Variants in KIF13B observed in about 807,000 individuals in gnomAD.
The protein encoded by KIF13B is kinesin family member 13B.
Under a neutral mutation model 222.0 loss-of-function variants are expected in KIF13B, and 127 were observed. That is an observed-to-expected ratio of 0.57 (90% CI 0.50 to 0.66). KIF13B has a LOEUF of 0.66. Ranked by LOEUF, KIF13B falls within the 30% of genes least tolerant of loss-of-function variation. The probability of loss-of-function intolerance (pLI) is 0.00; values close to 1 mark genes in which losing one functional copy is unlikely to be tolerated. For synonymous variants in KIF13B, 976 were observed against 919.0 expected (o/e 1.06, Z -1.12); for missense variants, 2,173 against 2,379.0 (o/e 0.91, Z 1.80).
At chr8:29,149,741 G>A (rs1811217195) in intron 15 of KIF13B, among the ~76,000 whole-genome samples, 1 of 152,168 alleles carries the variant, frequency 6.6e-6, no homozygotes, top group Admixed American at 6.5e-5. Context: ...GCCACAGAGA[G>A]ATGCCAAGAC....
chr8:29,091,964 T>C (rs1462634208), intron 37 of KIF13B, among the ~76,000 whole-genome samples: 2 of 152,254 alleles, frequency 1.3e-5, no homozygotes, highest in Non-Finnish European at 2.9e-5. Flanking sequence ...TTCATACACT[T>C]AGAAAATTCT....
rs565267994 is a variant in KIF13B at position 29,248,718 on chromosome 8, T to C, written c.56-3279A>G. On this transcript the variant is annotated intron_variant, in intron 1 of 39. Coordinates refer to ENST00000524189, the MANE Select transcript of KIF13B (RefSeq NM_015254.4). Reference sequence around the variant, plus strand: ...GATTTGGGTGGGGACACAGCCAAACTATATCAAGAACTGATACAAGCTACA... The same window carrying C: ...GATTTGGGTGGGGACACAGCCAAACCATATCAAGAACTGATACAAGCTACA... Among the ~76,000 whole-genome samples the C allele has an allele frequency of 3.9e-5, 6 of 152,240 alleles. 1 individual carries two copies. The South Asian group carries it at 1.2e-3, about 32-fold the overall frequency.
At position 29,176,199 on chromosome 8, in the gene KIF13B, A is replaced by G; in HGVS notation, c.834-20T>C. ...AGGGACCTGCATGGTGCAACAAACC[A>G]AAATAATTACAAAAATGAAATATAT... is the stretch of plus-strand genomic sequence containing the variant. On this transcript the variant is annotated intron_variant, in intron 9 of 39. Coordinates refer to ENST00000524189, the MANE Select transcript of KIF13B (RefSeq NM_015254.4). The G allele has an allele frequency of 7.2e-7, 1 of 1,394,392 alleles. No individual in the cohort carries two copies. Among genetic ancestry groups the G allele is most frequent in the Non-Finnish European group, 1.0e-6 (1 of 989,458 alleles). 86.4% of individuals were successfully genotyped at this position (1,394,392 alleles called of 1,614,324 possible). A position where few individuals can be genotyped will look rare whatever the true frequency, so the allele number is the denominator to read the frequency against.
intron 35 of KIF13B, among the ~76,000 whole-genome samples, chr8:29,102,484 G>A (rs1486373641): frequency 6.6e-6 from 1 of 152,198 alleles, no homozygotes; most frequent in Non-Finnish European, 1.5e-5. Flanking sequence ...TCACTGGTAG[G>A]CAGCACCATG....
chr8:29,139,875 G>T (rs536301028), intron 21 of KIF13B, among the ~76,000 whole-genome samples, 188 bp downstream of exon 21: 2 of 152,164 alleles, frequency 1.3e-5, no homozygotes, highest in African/African-American at 2.4e-5. Flanking sequence ...TATCATGAGT[G>T]GGGGAGGCTC....
chr8:29,184,527 A>C (rs945421517), intron 6 of KIF13B, among the ~76,000 whole-genome samples: 1 of 152,194 alleles, frequency 6.6e-6, no homozygotes, highest in African/African-American at 2.4e-5. Context: ...GGAAAGCTTA[A>C]GAAACTTGTT....
chr8:29,093,756 C>T lies in KIF13B; in HGVS notation c.4325-878G>A, dbSNP rs142305160. Among the ~76,000 whole-genome samples the T allele has an allele frequency of 4.0e-5, 6 of 151,860 alleles. No individual in the cohort carries two copies. The East Asian group carries it at 5.8e-4, about 15-fold the overall frequency. On this transcript the variant is annotated intron_variant, in intron 36 of 39. Transcript: ENST00000524189. ...CAGTAGAATATTAAGTGTAAGTATA[C>T]GGCAAAAAGTTAAAGATGTACATTG...
intron 17 of KIF13B, 55 bp from the exon 18 acceptor site, chr8:29,146,595 T>A (rs1165997060): frequency 6.6e-7 from 1 of 1,510,002 alleles, no homozygotes; most frequent in African/African-American, 1.4e-5. Context: ...ACAAAGCAGC[T>A]AGTCAGAAAA....
Position 29,119,108 on chromosome 8 carries a change from C to T in KIF13B, c.3536-116G>A. On this transcript the variant is annotated intron_variant, in intron 29 of 39. Coordinates refer to ENST00000524189, the MANE Select transcript of KIF13B (RefSeq NM_015254.4). ...TGCTTCAAATTTCATTTGCTTTTTG[C>T]TCTGAAATCTTACATGACACTGAAG... is the stretch of plus-strand genomic sequence containing the variant. The T allele has an allele frequency of 2.7e-6, 3 of 1,110,492 alleles. No individual in the cohort carries two copies. In the Admixed American group the frequency reaches 7.0e-5, roughly 26 times the overall value. 68.8% of individuals were successfully genotyped at this position (1,110,492 alleles called of 1,614,324 possible).
rs559918382 is a variant in KIF13B, at chr8:29,077,928, TG to T, written c.4459-2586del. 6.6e-5 allele frequency among the ~76,000 whole-genome samples: 10 copies of T among 151,724 alleles called. No individual in the cohort carries two copies. The East Asian group carries it at 1.9e-3, about 29-fold the overall frequency. On this transcript the variant is annotated intron_variant, in intron 37 of 39. Transcript: ENST00000524189. ...CTCAACAGATGGGCAACCTGATTGGTGGGGAACACATAAGCAAATCACTAAA... is the reference window on the plus strand; with the variant it reads ...CTCAACAGATGGGCAACCTGATTGGTGGGAACACATAAGCAAATCACTAAA...
chr8:29,170,119 A>G (rs549757921), intron 10 of KIF13B, among the ~76,000 whole-genome samples: 3 of 152,362 alleles, frequency 2.0e-5, no homozygotes, highest in East Asian at 3.9e-4. Flanking sequence ...GCACTCATTC[A>G]AGGAGAAAGT....
At chr8:29,179,964 G>A (rs1324415630) in intron 8 of KIF13B, 140 bp downstream of exon 8, 1 of 899,456 alleles carries the variant, frequency 1.1e-6, no homozygotes, top group Non-Finnish European at 1.7e-6. Context: ...ACCTAGAGGA[G>A]CTTCTGTTTC....
chr8:29,162,982 T>A (rs1811847440), intron 12 of KIF13B, among the ~76,000 whole-genome samples: 1 of 152,202 alleles, frequency 6.6e-6, no homozygotes, highest in Non-Finnish European at 1.5e-5. Context: ...CACAGCTATA[T>A]GACAAAAAAA....
intron 29 of KIF13B, among the ~76,000 whole-genome samples, chr8:29,119,937 G>A (rs1011700350): frequency 2.6e-5 from 4 of 152,086 alleles, no homozygotes; most frequent in Non-Finnish European, 4.4e-5. Flanking sequence ...AGAAAACCAC[G>A]GAGGACATCC....
chr8:29,223,407 A>G (rs991257398), intron 2 of KIF13B, among the ~76,000 whole-genome samples: 4 of 152,006 alleles, frequency 2.6e-5, no homozygotes, highest in African/African-American at 9.7e-5. Context: ...TAAAATTCAA[A>G]CAAAAGTTTT....
At position 29,070,384 on chromosome 8, in the gene KIF13B, A is replaced by T. The variant is rs148967534; in HGVS notation, c.*120T>A. The T allele has an allele frequency of 0.021, 23,609 of 1,119,032 alleles. 316 individuals are homozygous for T. Among genetic ancestry groups the T allele is most frequent in the Middle Eastern group, 0.051 (186 of 3,626 alleles). 69.3% of individuals were successfully genotyped at this position (1,119,032 alleles called of 1,614,324 possible). ...GTCACCAGCCCTGTGTCGTGCAAAA[A>T]GCATTCATCGCCCTGCCCCTGGGGA... On this transcript the variant is annotated 3_prime_UTR_variant, in exon 40 of 40. Transcript: ENST00000524189. The surrounding 1 kb of genome is among the most constrained non-coding windows in gnomAD (Gnocchi z 4.1).
chr8:29,260,428 T>C (rs1041486918), intron 1 of KIF13B, among the ~76,000 whole-genome samples: 6 of 152,228 alleles, frequency 3.9e-5, no homozygotes, highest in African/African-American at 1.4e-4. Flanking sequence ...ATTTATAAGG[T>C]TGCTTCCGGC....
chr8:29,245,412 A>T lies in KIF13B; in HGVS notation c.83T>A (p.Val28Glu). Residue 28 changes from valine to glutamate, a missense_variant, in exon 2 of 40, where the codon GTG becomes GAG. Coordinates refer to ENST00000524189, the MANE Select transcript of KIF13B (RefSeq NM_015254.4). ...RETDLHTKCV[V>E]DVDANKVILN... Reference sequence around the variant, plus strand: ...AATAACCTTGTTTGCATCCACATCCACCACACATTTGGTATGCAAGTCAGT... The same window carrying T: ...AATAACCTTGTTTGCATCCACATCCTCCACACATTTGGTATGCAAGTCAGT... The T allele has an allele frequency of 6.2e-7, 1 of 1,601,582 alleles. No homozygotes were observed.
At chr8:29,259,399 G>A (rs552743116) in intron 1 of KIF13B, among the ~76,000 whole-genome samples, 3 of 152,012 alleles carry the variant, frequency 2.0e-5, no homozygotes, top group South Asian at 2.1e-4. Context: ...TTCGTTTCCC[G>A]GTTCTACCCC....
Sources: gnomAD v4.1 joint callset for allele counts (sites outside exome capture counted in the v4.1 genomes callset) on GRCh38, gnomAD v4.1.1 for gene constraint, Gnocchi (gnomAD v3.1) non-coding constraint, MANE v1.5 for transcripts, NCBI Gene and HGNC (gene_info 2026-07-23, HGNC 2026-07-21) for gene names.